SSBP3: variants seen among roughly 807,000 people sequenced by gnomAD.
The protein encoded by SSBP3 is single stranded DNA binding protein 3, also known as single-stranded DNA-binding protein 3.
SSBP3 carries 5 observed loss-of-function variants against 69.6 expected under a neutral mutation model. The observed-to-expected ratio is 0.07, with a 90% CI of 0.04 to 0.15. The LOEUF (loss-of-function observed/expected upper bound fraction) is 0.15. SSBP3 is among the 10% of genes least tolerant of loss of function. SSBP3 has a pLI of 1.00. For missense variants in SSBP3, 312 were observed against 534.0 expected (o/e 0.58, Z 4.10); for synonymous variants, 196 against 193.4 (o/e 1.01, Z -0.11).
intron 13 of SSBP3, 135 bp from the exon 14 acceptor site, chr1:54,239,334 A>T: frequency 4.4e-6 from 3 of 675,992 alleles, no homozygotes; most frequent in Non-Finnish European, 7.3e-6. Flanking sequence ...TTTCTGGCTA[A>T]TTTGTATTTA....
chr1:54,236,878 A>C (rs983332250), intron 14 of SSBP3: 11 of 152,228 alleles, frequency 7.2e-5, no homozygotes, highest in African/African-American at 2.7e-4. Context: ...CCTTTGTGAC[A>C]GTGTCGGGTA....
At chr1:54,290,331 G>A (rs750661625) in intron 4 of SSBP3, among the ~76,000 whole-genome samples, 13 of 152,194 alleles carry the variant, frequency 8.5e-5, no homozygotes, top group Non-Finnish European at 1.6e-4. Flanking sequence ...AAGGTGCCCA[G>A]CCAGACTCAG....
At chr1:54,369,874 A>AT (rs530624849) in intron 4 of SSBP3, among the ~76,000 whole-genome samples, 103 of 151,142 alleles carry the variant, frequency 6.8e-4, no homozygotes, top group Non-Finnish European at 1.2e-3. Flanking sequence ...ACATTGCTCC[A>AT]TTTTTTTTTA....
At chr1:54,280,531 G>C (rs1645371082) in intron 5 of SSBP3, among the ~76,000 whole-genome samples, 2 of 152,176 alleles carry the variant, frequency 1.3e-5, no homozygotes, top group African/African-American at 4.8e-5. Context: ...TCTTTCAAAA[G>C]GTGTGGAGAA....
intron 4 of SSBP3, among the ~76,000 whole-genome samples, chr1:54,292,789 G>A (rs1276482290): frequency 6.6e-6 from 1 of 152,018 alleles, no homozygotes; most frequent in African/African-American, 2.4e-5. Context: ...GTCTGTCTCT[G>A]GGGCAGGAAG....
intron 4 of SSBP3, chr1:54,286,413 A>T (rs1157635745): frequency 1.3e-5 from 2 of 152,258 alleles, no homozygotes; most frequent in African/African-American, 4.8e-5. Flanking sequence ...CAACTTGAAA[A>T]GCCCGAAGTG....
At chr1:54,230,119 AG>A (rs973551398) in intron 14 of SSBP3, among the ~76,000 whole-genome samples, 27 of 152,272 alleles carry the variant, frequency 1.8e-4, no homozygotes, top group African/African-American at 6.5e-4. Flanking sequence ...AAGGGGTGTA[AG>A]GGGTAAGGCT....
chr1:54,395,911 G>A (rs543078413), intron 4 of SSBP3, among the ~76,000 whole-genome samples: 11 of 152,032 alleles, frequency 7.2e-5, no homozygotes, highest in South Asian at 2.1e-4. Flanking sequence ...CCCCGTTACC[G>A]GCCAGGCGCG....
chr1:54,303,011 C>G (rs990762638), intron 4 of SSBP3, among the ~76,000 whole-genome samples: 1 of 152,182 alleles, frequency 6.6e-6, no homozygotes. Context: ...GAGACAGACA[C>G]GTGAAACAAT....
intron 4 of SSBP3, among the ~76,000 whole-genome samples, chr1:54,394,376 C>G (rs1043005594): frequency 1.3e-5 from 2 of 152,108 alleles, no homozygotes; most frequent in African/African-American, 4.8e-5. Flanking sequence ...TTTACCTCCC[C>G]CCACTGCCCC....
chr1:54,326,726 G>C (rs961360086), intron 4 of SSBP3, among the ~76,000 whole-genome samples: 1 of 152,136 alleles, frequency 6.6e-6, no homozygotes, highest in African/African-American at 2.4e-5. Flanking sequence ...AATTTCATTA[G>C]CTAATGTTTA....
chr1:54,253,135 G>A (rs1644859411), intron 7 of SSBP3, among the ~76,000 whole-genome samples: 1 of 149,890 alleles, frequency 6.7e-6, no homozygotes, highest in African/African-American at 2.5e-5. Flanking sequence ...GGCATAGGGA[G>A]TATCTGATGT....
At chr1:54,255,158 C>CGGGGGGGGGGGGGGGGGGGG (rs34404422) in intron 7 of SSBP3, among the ~76,000 whole-genome samples, 1 of 63,398 alleles carries the variant, frequency 1.6e-5, no homozygotes, top group African/African-American at 5.2e-5. Flanking sequence ...TGCGGGGGGG[C>CGGGGGGGGGGGGGGGGGGGG]GGGGGGGGGG....
At chr1:54,283,381 G>C (rs1470175210) in intron 4 of SSBP3, among the ~76,000 whole-genome samples, 6 of 151,552 alleles carry the variant, frequency 4.0e-5, no homozygotes, top group African/African-American at 1.5e-4. Flanking sequence ...CAAAATAAAC[G>C]AACAGACCTG....
chr1:54,241,214 TAG>T (rs1331544352), intron 12 of SSBP3, among the ~76,000 whole-genome samples: 1 of 152,134 alleles, frequency 6.6e-6, no homozygotes, highest in Non-Finnish European at 1.5e-5. Flanking sequence ...GCATGCCCAC[TAG>T]AGAGGCCTGC....
At chr1:54,352,508 A>G (rs76752148) in intron 4 of SSBP3, among the ~76,000 whole-genome samples, 12,976 of 152,162 alleles carry the variant, frequency 0.085, 1,238 homozygotes, top group African/African-American at 0.23. Flanking sequence ...CTCAGCTTCA[A>G]ACCCCTTCCT....
intron 4 of SSBP3, among the ~76,000 whole-genome samples, chr1:54,355,695 G>A (rs187489208): frequency 6.6e-5 from 10 of 152,272 alleles, no homozygotes; most frequent in Admixed American, 1.3e-4. Context: ...AATTTAAGGA[G>A]GCTTCTTGGA....
chr1:54,369,240 C>A (rs1411011986), intron 4 of SSBP3, among the ~76,000 whole-genome samples: 18 of 142,564 alleles, frequency 1.3e-4, no homozygotes, highest in African/African-American at 4.7e-4. Context: ...CCAAGCCAGG[C>A]TCCCTGGGAA....
At chr1:54,408,574 C>G (rs1318901859), upstream of SSBP3, among the ~76,000 whole-genome samples, 1 of 152,196 alleles carries the variant, frequency 6.6e-6, no homozygotes, top group Admixed American at 6.5e-5. Context: ...ACCCAGGACT[C>G]AACCAGATTG....
Sources: allele counts gnomAD v4.1 joint callset (sites outside exome capture counted in the v4.1 genomes callset), GRCh38; gene constraint gnomAD v4.1.1; transcripts MANE v1.5; gene names NCBI Gene and HGNC (gene_info 2026-07-23, HGNC 2026-07-21).